Variants in CNR2 observed in about 807,000 individuals in gnomAD.
CNR2 encodes the protein cannabinoid receptor 2.
For missense variants in CNR2, 379 were observed against 439.9 expected (o/e 0.86, Z 1.24); for synonymous variants, 172 against 182.2 (o/e 0.94, Z 0.45).
intron 1 of CNR2, among the ~76,000 whole-genome samples, chr1:23,900,441 CTT>C (rs1640378717): frequency 1.3e-5 from 2 of 151,282 alleles, no homozygotes; most frequent in Non-Finnish European, 2.9e-5. Context: ...CCCCTAGAGG[CTT>C]ATAGACGGAG....
At chr1:23,887,410 T>C (rs1640110411) in intron 1 of CNR2, among the ~76,000 whole-genome samples, 1 of 152,204 alleles carries the variant, frequency 6.6e-6, no homozygotes, top group African/African-American at 2.4e-5. Flanking sequence ...CCATGTAGAA[T>C]TCAGCCTAGA....
intron 1 of CNR2, among the ~76,000 whole-genome samples, chr1:23,880,234 G>GTGGCACAATCTCGGCTCAC (rs1319531205): frequency 1.5e-5 from 2 of 133,064 alleles, no homozygotes; most frequent in African/African-American, 5.6e-5. Flanking sequence ...CTGGAGTGCA[G>GTGGCACAATCTCGGCTCAC]TGGCACAATC....
intron 1 of CNR2, among the ~76,000 whole-genome samples, chr1:23,885,375 A>T (rs900619490): frequency 6.6e-6 from 1 of 152,146 alleles, no homozygotes; most frequent in African/African-American, 2.4e-5. Flanking sequence ...GGAACAAACC[A>T]TGTAGGTTTA....
At chr1:23,901,706 T>A in intron 1 of CNR2, 1 of 1,417,020 alleles carries the variant, frequency 7.1e-7, no homozygotes, top group South Asian at 1.2e-5. Context: ...ACTGGATCTG[T>A]CCGACATGAA....
chr1:23,879,616 CA>C (rs1639944446), intron 1 of CNR2, among the ~76,000 whole-genome samples: 1 of 151,146 alleles, frequency 6.6e-6, no homozygotes, highest in African/African-American at 2.4e-5. Flanking sequence ...TTGTTTCAAA[CA>C]AAAACAAAAA....
chr1:23,908,329 C>T (rs1640531998), intron 1 of CNR2, among the ~76,000 whole-genome samples: 1 of 152,132 alleles, frequency 6.6e-6, no homozygotes, highest in Non-Finnish European at 1.5e-5. Context: ...GGATCTTGCT[C>T]TGTCACCCAG....
intron 1 of CNR2, chr1:23,902,669 C>T: frequency 6.3e-7 from 1 of 1,595,164 alleles, no homozygotes; most frequent in Non-Finnish European, 8.5e-7. Flanking sequence ...CCGGGGGTCC[C>T]ACGACAAAGT....
Position 23,875,450 on chromosome 1 carries a change from A to G in CNR2, c.168T>C (p.Tyr56=). ...GGAGTTGGTGGGAGGACAGGATCAGATAGAGCACAGCCACGTTCTCCAGGG... is the reference window on the plus strand; with the variant it reads ...GGAGTTGGTGGGAGGACAGGATCAGGTAGAGCACAGCCACGTTCTCCAGGG... ...LSALENVAVL[Y]LILSSHQLRR... The change falls in exon 2 of 2, where the codon TAT becomes TAC. Residue 56 remains tyrosine (Y), a synonymous_variant. Transcript: ENST00000374472. 1 of 1,614,232 alleles carries G rather than the reference A, an allele frequency of 6.2e-7. No individual in the cohort carries two copies. The highest frequency in any genetic ancestry group is 1.1e-5 in the South Asian group (1 of 91,092).
chr1:23,884,721 C>T (rs182426769), intron 1 of CNR2, among the ~76,000 whole-genome samples: 1 of 152,218 alleles, frequency 6.6e-6, no homozygotes, highest in East Asian at 1.9e-4. Context: ...CACGGCTGGT[C>T]GAGGTCAGAA....
chr1:23,872,951 G>T lies in CNR2; in HGVS notation c.*1584C>A, dbSNP rs904936886. ...AGACTGTAAGCCCCATGAGACAGGGGCACAGTCTCATTTATGGCTGGGTAC... is the reference window on the plus strand; with the variant it reads ...AGACTGTAAGCCCCATGAGACAGGGTCACAGTCTCATTTATGGCTGGGTAC... On this transcript the variant is annotated 3_prime_UTR_variant, in exon 2 of 2. Transcript: ENST00000374472. The T allele has an allele frequency of 6.6e-6, 1 of 152,180 alleles. No homozygotes were observed. Among genetic ancestry groups the T allele is most frequent in the Non-Finnish European group, 1.5e-5 (1 of 68,040 alleles). 9.4% of individuals were successfully genotyped at this position (152,180 alleles called of 1,614,324 possible).
chr1:23,912,485 G>A lies in CNR2; in HGVS notation c.-46+761C>T, dbSNP rs569160700. On this transcript the variant is annotated intron_variant, in intron 1 of 1. Coordinates refer to ENST00000374472, the MANE Select transcript of CNR2 (RefSeq NM_001841.3). ...GCCTGGTGGCTGAAGGGTGGGCCGCGAAGCCGGAGTGCCTAGGCTCAAGCC... is the reference window on the plus strand; with the variant it reads ...GCCTGGTGGCTGAAGGGTGGGCCGCAAAGCCGGAGTGCCTAGGCTCAAGCC... Among the ~76,000 whole-genome samples, 6 of 152,364 alleles carry A rather than the reference G, an allele frequency of 3.9e-5. No homozygotes were observed. In the South Asian group the frequency reaches 6.2e-4, roughly 16 times the overall value.
intron 1 of CNR2, among the ~76,000 whole-genome samples, chr1:23,895,012 G>A (rs1640255791): frequency 6.6e-6 from 1 of 152,060 alleles, no homozygotes; most frequent in Admixed American, 6.6e-5. Context: ...CTGAGGTCAG[G>A]AGTTTGAGAC....
rs141054796 is a variant in CNR2, at chr1:23,899,706, C to T, written c.-46+13540G>A. ...GGTGCATGCTGTAATACCAGCTACT[C>T]GAGAGGGGGAGGCAGAAGAATCACT... On this transcript the variant is annotated intron_variant, in intron 1 of 1. Transcript: ENST00000374472. 1.2e-3 allele frequency among the ~76,000 whole-genome samples: 175 copies of T among 146,748 alleles called. 1 individual carries two copies. Among genetic ancestry groups the T allele is most frequent in the African/African-American group, 4.2e-3 (166 of 39,552 alleles).
intron 1 of CNR2, among the ~76,000 whole-genome samples, chr1:23,892,470 G>A (rs2502966): frequency 0.98 from 148,662 of 152,278 alleles, 72,644 homozygotes; most frequent in East Asian, 1. Flanking sequence ...AAGCATCTAA[G>A]TATTTAAAAT....
chr1:23,880,244 C>T (rs916947982), intron 1 of CNR2, among the ~76,000 whole-genome samples: 8 of 136,852 alleles, frequency 5.8e-5, no homozygotes, highest in African/African-American at 2.2e-4. Flanking sequence ...GTGGCACAAT[C>T]TCGGCTCACT....
At chr1:23,909,457 C>T (rs112371065) in intron 1 of CNR2, among the ~76,000 whole-genome samples, 2,090 of 152,118 alleles carry the variant, frequency 0.014, 40 homozygotes, top group African/African-American at 0.044. Context: ...CTTCAGTGTC[C>T]TCATTTATAG....
intron 1 of CNR2, chr1:23,902,144 G>T (rs1298787788): frequency 7.1e-7 from 1 of 1,416,352 alleles, no homozygotes; most frequent in Admixed American, 1.7e-5. Context: ...GTGACTGGCA[G>T]CCCCTGCCTC....
chr1:23,890,861 C>T (rs1169409907), intron 1 of CNR2, among the ~76,000 whole-genome samples: 1 of 145,752 alleles, frequency 6.9e-6, no homozygotes, highest in Non-Finnish European at 1.5e-5. Context: ...TTCTCTTAGT[C>T]CCCCTCTGGT....
chr1:23,910,720 A>T (rs1264211852), intron 1 of CNR2, among the ~76,000 whole-genome samples: 1 of 151,958 alleles, frequency 6.6e-6, no homozygotes, highest in Non-Finnish European at 1.5e-5. Context: ...AACAAAAAAC[A>T]AAAAACAAGA....
Sources: gnomAD v4.1 joint callset for allele counts (sites outside exome capture counted in the v4.1 genomes callset) on GRCh38, gnomAD v4.1.1 for gene constraint, MANE v1.5 for transcripts, NCBI Gene and HGNC (gene_info 2026-07-23, HGNC 2026-07-21) for gene names.